The following CNTN4 variants were observed in gnomAD, a reference collection of about 807,000 sequenced individuals.
The protein encoded by CNTN4 is contactin 4.
CNTN4 carries 77 observed loss-of-function variants against 122.5 expected under a neutral mutation model. That is an observed-to-expected ratio of 0.63 (90% CI 0.52 to 0.76). The LOEUF is 0.76. Ranked by LOEUF, CNTN4 falls within the 30% of genes least tolerant of loss-of-function variation. CNTN4 has a pLI of 0.00. For synonymous variants in CNTN4, 512 were observed against 447.0 expected, an observed-to-expected ratio of 1.15 and a Z score of -1.83; for missense variants, 1,256 against 1,259.1, an observed-to-expected ratio of 1.00 and a Z score of 0.04.
At chr3:3,039,837 G>A (rs577615901) in intron 19 of CNTN4, 200 bp from the exon 20 acceptor site, 26 of 577,790 alleles carry the variant, frequency 4.5e-5, no homozygotes, top group African/African-American at 1.3e-4. Flanking sequence ...TCCTCATTAC[G>A]TTTTCAACCC....
At chr3:2,304,046 G>A (rs2042617592) in intron 2 of CNTN4, among the ~76,000 whole-genome samples, 2 of 152,158 alleles carry the variant, frequency 1.3e-5, no homozygotes, top group Admixed American at 1.3e-4. Flanking sequence ...ATATAAGTAG[G>A]TAAGATGCAC....
intron 7 of CNTN4, among the ~76,000 whole-genome samples, chr3:2,833,133 A>T (rs1263755742): frequency 6.6e-6 from 1 of 152,224 alleles, no homozygotes; most frequent in Non-Finnish European, 1.5e-5. Flanking sequence ...AAATATAAGA[A>T]AATGAATGGA....
At chr3:2,898,890 C>T (rs561684346) in intron 10 of CNTN4, among the ~76,000 whole-genome samples, 43 of 152,286 alleles carry the variant, frequency 2.8e-4, no homozygotes, top group African/African-American at 9.4e-4. Flanking sequence ...ATCAAATTCT[C>T]CAAGCAGAGA....
chr3:2,286,857 G>A (rs1034769019), intron 2 of CNTN4, among the ~76,000 whole-genome samples: 9 of 152,150 alleles, frequency 5.9e-5, no homozygotes, highest in African/African-American at 1.7e-4. Context: ...AAAAAAAGCC[G>A]GAATGAGTTA....
chr3:2,976,125 C>T (rs1236463745), intron 13 of CNTN4, among the ~76,000 whole-genome samples: 1 of 152,134 alleles, frequency 6.6e-6, no homozygotes, highest in African/African-American at 2.4e-5. Context: ...AATAAAATCA[C>T]AAAATTTTAC....
At chr3:2,630,841 TC>T (rs1365470798) in intron 4 of CNTN4, among the ~76,000 whole-genome samples, 1 of 152,158 alleles carries the variant, frequency 6.6e-6, no homozygotes, top group East Asian at 1.9e-4. Flanking sequence ...ACAGAAGTCT[TC>T]TTAGCTTTAA....
intron 3 of CNTN4, among the ~76,000 whole-genome samples, chr3:2,563,855 G>C (rs927707482): frequency 2.6e-5 from 4 of 151,486 alleles, no homozygotes; most frequent in Non-Finnish European, 5.9e-5. Context: ...ATGAATTTGT[G>C]GTATATACTT....
At chr3:2,162,101 A>C (rs2035989482) in intron 2 of CNTN4, among the ~76,000 whole-genome samples, 1 of 152,182 alleles carries the variant, frequency 6.6e-6, no homozygotes, top group African/African-American at 2.4e-5. Flanking sequence ...AACTAAATGT[A>C]GTGTAGGTGT....
At chr3:2,237,788 T>A (rs999127256) in intron 2 of CNTN4, among the ~76,000 whole-genome samples, 3 of 152,216 alleles carry the variant, frequency 2.0e-5, no homozygotes, top group Non-Finnish European at 4.4e-5. Flanking sequence ...ATGAAATTTA[T>A]CCTTTAATTT....
chr3:3,017,042 A>C (rs1319732863), intron 14 of CNTN4, among the ~76,000 whole-genome samples: 1 of 151,738 alleles, frequency 6.6e-6, no homozygotes, highest in Non-Finnish European at 1.5e-5. Context: ...TCGATGAAAA[A>C]CCTTGACTTG....
At chr3:2,808,653 TG>T (rs1391044040) in intron 6 of CNTN4, among the ~76,000 whole-genome samples, 5 of 152,158 alleles carry the variant, frequency 3.3e-5, no homozygotes, top group African/African-American at 1.2e-4. Flanking sequence ...TGGCATTCCC[TG>T]GGGCAGGGGT....
At chr3:2,654,508 CT>C (rs1273568987) in intron 4 of CNTN4, among the ~76,000 whole-genome samples, 4 of 152,140 alleles carry the variant, frequency 2.6e-5, no homozygotes, top group Non-Finnish European at 1.5e-5. Flanking sequence ...GTGTTTCTCT[CT>C]TTTCTCCAAC....
intron 14 of CNTN4, among the ~76,000 whole-genome samples, chr3:3,015,252 A>G (rs1697635553): frequency 6.6e-6 from 1 of 152,012 alleles, no homozygotes; most frequent in African/African-American, 2.4e-5. Flanking sequence ...CCTAATATCT[A>G]TTAATAGTTG....
intron 13 of CNTN4, among the ~76,000 whole-genome samples, chr3:2,947,545 A>C (rs377636802): frequency 6.6e-6 from 1 of 152,208 alleles, no homozygotes; most frequent in Non-Finnish European, 1.5e-5. Flanking sequence ...TTATTTTACC[A>C]TGAATGGTTA....
intron 12 of CNTN4, among the ~76,000 whole-genome samples, chr3:2,913,651 T>A (rs2094324816): frequency 6.6e-6 from 1 of 152,112 alleles, no homozygotes; most frequent in Non-Finnish European, 1.5e-5. Flanking sequence ...TATTAGAACT[T>A]CCAAGTGTAT....
intron 2 of CNTN4, among the ~76,000 whole-genome samples, chr3:2,260,594 C>T (rs1258631758): frequency 6.6e-6 from 1 of 152,106 alleles, no homozygotes; most frequent in African/African-American, 2.4e-5. Flanking sequence ...AAAGCTCACT[C>T]ATACAGATTC....
chr3:2,386,608 A>C (rs1013818527), intron 3 of CNTN4, among the ~76,000 whole-genome samples: 2 of 150,276 alleles, frequency 1.3e-5, no homozygotes, highest in African/African-American at 4.8e-5. Flanking sequence ...CACATGTTTG[A>C]AGCTAGAAAA....
At chr3:2,119,547 A>G (rs966174215) in intron 2 of CNTN4, among the ~76,000 whole-genome samples, 6 of 152,230 alleles carry the variant, frequency 3.9e-5, no homozygotes, top group Non-Finnish European at 8.8e-5. Context: ...GGGCAATTTC[A>G]TAGATGCCAT....
intron 10 of CNTN4, among the ~76,000 whole-genome samples, chr3:2,889,403 T>A (rs1015938008): frequency 3.3e-5 from 5 of 152,208 alleles, no homozygotes; most frequent in African/African-American, 4.8e-5. Context: ...TATTTAATCT[T>A]TGCTTTCCTC....
Sources: allele counts gnomAD v4.1 joint callset (sites outside exome capture counted in the v4.1 genomes callset), GRCh38; gene constraint gnomAD v4.1.1; transcripts MANE v1.5; gene names NCBI Gene and HGNC (gene_info 2026-07-23, HGNC 2026-07-21).